The following KIF3B variants were observed in gnomAD, a reference collection of about 807,000 sequenced individuals.
The protein encoded by KIF3B is kinesin-like protein KIF3B.
KIF3B carries 38 observed loss-of-function variants against 74.3 expected under a neutral mutation model. That is an observed-to-expected ratio of 0.51 (90% CI 0.39 to 0.67). The LOEUF (loss-of-function observed/expected upper bound fraction) is 0.67, where lower values mean the gene tolerates loss of function less well. Ranked by LOEUF, KIF3B falls within the 30% of genes least tolerant of loss-of-function variation. The probability of loss-of-function intolerance (pLI) is 0.00; values close to 1 mark genes in which losing one functional copy is unlikely to be tolerated. For missense variants in KIF3B, 649 were observed against 932.0 expected (o/e 0.70, Z 3.95); for synonymous variants, 326 against 342.5 (o/e 0.95, Z 0.53).
At chr20:32,323,442 C>A (rs2047886576) in intron 5 of KIF3B, among the ~76,000 whole-genome samples, 2 of 151,544 alleles carry the variant, frequency 1.3e-5, no homozygotes, top group Admixed American at 1.3e-4. Context: ...ACTTTGTCGC[C>A]AGACTGGAGT....
chr20:32,309,238 G>C (rs948620065), intron 1 of KIF3B, among the ~76,000 whole-genome samples: 1 of 133,230 alleles, frequency 7.5e-6, no homozygotes, highest in East Asian at 2.1e-4. Flanking sequence ...TCCCTATGTT[G>C]CCCAGGCTGA....
intron 5 of KIF3B, among the ~76,000 whole-genome samples, chr20:32,318,639 A>G (rs1485832412): frequency 6.6e-6 from 1 of 152,250 alleles, no homozygotes; most frequent in East Asian, 1.9e-4. Context: ...ATCAACAGAT[A>G]TCTGGTAGTC....
At chr20:32,323,600 C>T (rs1023299690) in intron 5 of KIF3B, among the ~76,000 whole-genome samples, 5 of 151,970 alleles carry the variant, frequency 3.3e-5, no homozygotes, top group South Asian at 2.1e-4. Flanking sequence ...ATTTTTCAGC[C>T]GAGCATGGTG....
intron 1 of KIF3B, among the ~76,000 whole-genome samples, chr20:32,294,992 TTGA>T (rs2047710186): frequency 6.6e-6 from 1 of 152,214 alleles, no homozygotes; most frequent in Non-Finnish European, 1.5e-5. Flanking sequence ...CACTCCCTTA[TTGA>T]TGAGCATTTA....
intron 1 of KIF3B, among the ~76,000 whole-genome samples, chr20:32,308,521 G>C (rs926647880): frequency 6.6e-6 from 1 of 151,984 alleles, no homozygotes; most frequent in Non-Finnish European, 1.5e-5. Context: ...AGTGATTCTC[G>C]TGCCACGGCC....
intron 5 of KIF3B, among the ~76,000 whole-genome samples, chr20:32,322,105 G>A (rs973522172): frequency 6.6e-6 from 1 of 152,044 alleles, no homozygotes; most frequent in East Asian, 1.9e-4. Context: ...GGGCAATATT[G>A]TAATCTTAAC....
intron 5 of KIF3B, among the ~76,000 whole-genome samples, chr20:32,326,082 G>A (rs960999213): frequency 6.6e-6 from 1 of 152,064 alleles, no homozygotes; most frequent in African/African-American, 2.4e-5. Context: ...TTTTGGCATT[G>A]TTTTGTCCTG....
rs1385788532 is a variant in KIF3B at position 32,299,415 on chromosome 20, T to A, written c.-65-10298T>A. On this transcript the variant is annotated intron_variant, in intron 1 of 8. Coordinates refer to ENST00000375712, the MANE Select transcript of KIF3B (RefSeq NM_004798.4). ...TATATATATATATATTTTTTTTTTTTTTTTTTTTTTTTTGAGACAGAGTCT... is the reference window on the plus strand; with the variant it reads ...TATATATATATATATTTTTTTTTTTATTTTTTTTTTTTTGAGACAGAGTCT... 2.3e-4 allele frequency among the ~76,000 whole-genome samples: 22 copies of A among 95,982 alleles called. 1 individual carries two copies. The highest frequency in any genetic ancestry group is 3.9e-4 in the Non-Finnish European group (20 of 51,470). The allele number at this position is 95,982 out of a possible 152,430, so 63.0% of individuals were successfully genotyped here. A position where few individuals can be genotyped will look rare whatever the true frequency, so the allele number is the denominator to read the frequency against.
intron 4 of KIF3B, 40 bp from the exon 5 acceptor site, chr20:32,316,716 G>A (rs1255934399): frequency 6.2e-6 from 10 of 1,613,326 alleles, no homozygotes; most frequent in Non-Finnish European, 7.6e-6. Flanking sequence ...TCTACCCTTT[G>A]GACAGACACC....
At position 32,332,881 on chromosome 20, in the gene KIF3B, G is replaced by T. The variant is rs1180623198; in HGVS notation, c.*1562G>T. On this transcript the variant is annotated 3_prime_UTR_variant, in exon 9 of 9. Transcript: ENST00000375712. Reference sequence around the variant, plus strand: ...TCCATGAGCCAAGCCTGAGGGGACAGTGAGTCTCCAGGTCTGCCACACTGG... The same window carrying T: ...TCCATGAGCCAAGCCTGAGGGGACATTGAGTCTCCAGGTCTGCCACACTGG... The T allele has an allele frequency of 1.3e-5, 2 of 152,670 alleles. No individual in the cohort carries two copies. The highest frequency in any genetic ancestry group is 3.8e-4 in the East Asian group (2 of 5,202). The allele number at this position is 152,670 out of a possible 1,614,324, so 9.5% of individuals were successfully genotyped here. A position where few individuals can be genotyped will look rare whatever the true frequency, so the allele number is the denominator to read the frequency against.
chr20:32,280,276 T>A (rs913026779), intron 1 of KIF3B, among the ~76,000 whole-genome samples: 1 of 152,166 alleles, frequency 6.6e-6, no homozygotes, highest in African/African-American at 2.4e-5. Context: ...AAGAATAAAT[T>A]AAAGTATGTG....
rs1342651031 is a variant in KIF3B at position 32,332,769 on chromosome 20, TA to T, written c.*1452del. On this transcript the variant is annotated 3_prime_UTR_variant, in exon 9 of 9. Coordinates refer to ENST00000375712, the MANE Select transcript of KIF3B (RefSeq NM_004798.4). ...AACTTGCCCAATTTTAGAAATACAC[TA>T]ATGTGCAGTTGTTGCCTTTTGTCTG... 1 of 152,290 alleles carries T rather than the reference TA, an allele frequency of 6.6e-6. No homozygotes were observed. The highest frequency in any genetic ancestry group is 1.9e-4 in the East Asian group (1 of 5,198). 9.4% of individuals were successfully genotyped at this position (152,290 alleles called of 1,614,324 possible).
At chr20:32,321,667 T>A (rs1470787536) in intron 5 of KIF3B, among the ~76,000 whole-genome samples, 3 of 152,140 alleles carry the variant, frequency 2.0e-5, no homozygotes, top group Non-Finnish European at 4.4e-5. Context: ...ACATACTTTG[T>A]TTTACTGCAC....
intron 5 of KIF3B, among the ~76,000 whole-genome samples, chr20:32,322,757 TTTATATATATTTATATATATATTTA>T (rs2047871681): frequency 4.1e-5 from 2 of 49,062 alleles, no homozygotes; most frequent in African/African-American, 2.7e-4. Flanking sequence ...TATATATATA[TTTATATATATTTATATATATATTTA>T]TATATATTTA....
rs373145598 is a variant in KIF3B at position 32,306,663 on chromosome 20, C to T, written c.-65-3050C>T. 1.4e-5 allele frequency among the ~76,000 whole-genome samples: 2 copies of T among 143,356 alleles called. 1 individual carries two copies. Among genetic ancestry groups the T allele is most frequent in the East Asian group, 4.3e-4 (2 of 4,658 alleles). 94.0% of individuals were successfully genotyped at this position (143,356 alleles called of 152,430 possible). A position where few individuals can be genotyped will look rare whatever the true frequency, so the allele number is the denominator to read the frequency against. ...GGAGTGCAGTGGTGCAATCTCGGCT[C>T]ACTGCAATGCAACCGCCACCTCCCG... On this transcript the variant is annotated intron_variant, in intron 1 of 8. Coordinates refer to ENST00000375712, the MANE Select transcript of KIF3B (RefSeq NM_004798.4).
intron 1 of KIF3B, among the ~76,000 whole-genome samples, chr20:32,308,871 A>G (rs1455729117): frequency 2.7e-5 from 4 of 150,770 alleles, no homozygotes; most frequent in Non-Finnish European, 4.4e-5. Flanking sequence ...GCCTGCCACC[A>G]CACCCGGCTG....
At chr20:32,322,788 ATTTATATATATATTTATATATATT>A (rs2047873537) in intron 5 of KIF3B, among the ~76,000 whole-genome samples, 1 of 66,802 alleles carries the variant, frequency 1.5e-5, no homozygotes, top group Non-Finnish European at 2.4e-5. Context: ...ATTTATATAT[ATTTATATATATATTTATATATATT>A]TATATATATT....
chr20:32,277,700 G>A lies in KIF3B; in HGVS notation c.-131G>A. 2 of 261,908 alleles carry A rather than the reference G, an allele frequency of 7.6e-6. No individual in the cohort carries two copies. Among genetic ancestry groups the A allele is most frequent in the South Asian group, 1.2e-4 (1 of 8,530 alleles). 16.2% of individuals were successfully genotyped at this position (261,908 alleles called of 1,614,324 possible). On this transcript the variant is annotated 5_prime_UTR_variant, in exon 1 of 9. Coordinates refer to ENST00000375712, the MANE Select transcript of KIF3B (RefSeq NM_004798.4). Reference sequence around the variant, plus strand: ...CGGGGAATGGCTGAGCCAGGGGTTCGCCGCCCCCGCCGCCGCCGCCGCCGC... The same window carrying A: ...CGGGGAATGGCTGAGCCAGGGGTTCACCGCCCCCGCCGCCGCCGCCGCCGC...
In KIF3B at chr20:32,277,717, C is replaced by A; in HGVS notation, c.-114C>A. On this transcript the variant is annotated 5_prime_UTR_variant, in exon 1 of 9. Coordinates refer to ENST00000375712, the MANE Select transcript of KIF3B (RefSeq NM_004798.4). ...AGGGGTTCGCCGCCCCCGCCGCCGC[C>A]GCCGCCGCCGCCGCCGCCGCCGCCG... 1.1e-5 allele frequency: 3 copies of A among 264,320 alleles called. 1 individual carries two copies. The South Asian group carries it at 3.6e-4, about 31-fold the overall frequency. The allele number at this position is 264,320 out of a possible 1,614,324, so 16.4% of individuals were successfully genotyped here.
Sources: allele counts gnomAD v4.1 joint callset (sites outside exome capture counted in the v4.1 genomes callset), GRCh38; gene constraint gnomAD v4.1.1; transcripts MANE v1.5; gene names NCBI Gene and HGNC (gene_info 2026-07-23, HGNC 2026-07-21).